ZNF471: variants seen among roughly 807,000 people sequenced by gnomAD.
ZNF471 encodes the protein zinc finger protein 471.
In ZNF471, 7 loss-of-function variants were observed where a neutral mutation model predicts 13.7. The observed-to-expected ratio is 0.51, with a 90% confidence interval of 0.29 to 0.96. The LOEUF (loss-of-function observed/expected upper bound fraction) is 0.96. Among genes scored for constraint, ZNF471 ranks in the 40% least tolerant of loss-of-function variants. The pLI, the probability that ZNF471 is intolerant of heterozygous loss-of-function variation, is 0.08. For missense variants in ZNF471, 663 were observed against 743.3 expected (o/e 0.89, Z 1.26); for synonymous variants, 218 against 235.6 (o/e 0.93, Z 0.68).
rs897258057 is a variant in ZNF471 at position 56,527,681 on chromosome 19, C to T, written c.*1733C>T. 10 of 152,158 alleles carry T rather than the reference C, an allele frequency of 6.6e-5. No individual in the cohort carries two copies. The highest frequency in any genetic ancestry group is 2.9e-5 in the Non-Finnish European group (2 of 68,020). 9.4% of individuals were successfully genotyped at this position (152,158 alleles called of 1,614,324 possible). A position where few individuals can be genotyped will look rare whatever the true frequency, so the allele number is the denominator to read the frequency against. The stretch of plus-strand genomic sequence containing the variant: ...CAGCATGAGAACTTCGTGAAGCATA[C>T]AGAAGAAAAACCTTCAGCCAGATTG... On this transcript the variant is annotated 3_prime_UTR_variant, in exon 5 of 5. Coordinates refer to ENST00000308031, the MANE Select transcript of ZNF471 (RefSeq NM_020813.4).
intron 2 of ZNF471, among the ~76,000 whole-genome samples, chr19:56,512,778 A>AT (rs2043829139): frequency 6.6e-6 from 1 of 152,108 alleles, no homozygotes; most frequent in East Asian, 1.9e-4. Context: ...CCCTCCTCAC[A>AT]TTTTTTCTAA....
chr19:56,524,318 T>C lies in ZNF471; in HGVS notation c.257-6T>C. Reference sequence around the variant, plus strand: ...GGAACATTCACTTTTTTTTAATATCTTTCAGATTGGGAATCTATATATGTG... The same window carrying C: ...GGAACATTCACTTTTTTTTAATATCCTTCAGATTGGGAATCTATATATGTG... On this transcript the variant is annotated splice_region_variant and splice_polypyrimidine_tract_variant and intron_variant, in intron 4 of 4. Coordinates refer to ENST00000308031, the MANE Select transcript of ZNF471 (RefSeq NM_020813.4). The surrounding 1 kb of genome is among the most constrained non-coding windows in gnomAD (Gnocchi z 4.8). 6.6e-7 allele frequency: 1 copy of C among 1,511,210 alleles called. No individual in the cohort carries two copies. Among genetic ancestry groups the C allele is most frequent in the Non-Finnish European group, 8.8e-7 (1 of 1,132,510 alleles). 93.6% of individuals were successfully genotyped at this position (1,511,210 alleles called of 1,614,324 possible). A position where few individuals can be genotyped will look rare whatever the true frequency, so the allele number is the denominator to read the frequency against.
intron 2 of ZNF471, among the ~76,000 whole-genome samples, chr19:56,514,443 AT>A (rs1332555887): frequency 1.3e-5 from 2 of 152,054 alleles, no homozygotes; most frequent in African/African-American, 4.8e-5. Flanking sequence ...ATTACATTAC[AT>A]TTAATAGTCA....
Position 56,525,612 on chromosome 19 carries a change from T to G in ZNF471, c.1545T>G (p.Tyr515Ter). 1 of 1,614,182 alleles carries G rather than the reference T, an allele frequency of 6.2e-7. No individual in the cohort carries two copies. Among genetic ancestry groups the G allele is most frequent in the Non-Finnish European group, 8.5e-7 (1 of 1,180,032 alleles). The change falls in exon 5 of 5, where the codon TAT becomes TAG. Residue 515 changes from tyrosine (Y) to a stop codon, truncating the protein, a stop_gained. Transcript: ENST00000308031. LOFTEE classifies it low-confidence loss of function (END_TRUNC). The part of the protein sequence containing the change: ...HQRIHTGEKP[Y>*]ECIECGNAFK... ...GAATTCATACTGGAGAGAAGCCTTA[T>G]GAATGTATTGAATGTGGAAATGCTT... is the stretch of plus-strand genomic sequence containing the variant.
In ZNF471 at chr19:56,524,409, T is replaced by C. The variant is rs2044015280; in HGVS notation, c.342T>C (p.Tyr114=). The C allele has an allele frequency of 3.7e-6, 6 of 1,613,252 alleles. No individual in the cohort carries two copies. Among genetic ancestry groups the C allele is most frequent in the Non-Finnish European group, 5.1e-6 (6 of 1,179,822 alleles). ...DDACMEGITS[Y]GLECSTFEEN... is the part of the protein sequence containing the mutation. Reference sequence around the variant, plus strand: ...CATGCATGGAGGGAATTACTAGCTATGGACTTGAGTGTTCCACTTTTGAAG... The same window carrying C: ...CATGCATGGAGGGAATTACTAGCTACGGACTTGAGTGTTCCACTTTTGAAG... The change falls in exon 5 of 5, where the codon TAT becomes TAC. Residue 114 remains tyrosine, a synonymous_variant. Transcript: ENST00000308031. This position sits in a 1 kb window ranked among gnomAD's most constrained non-coding sequence, Gnocchi z 4.8.
rs1490438134 is a variant in ZNF471, at chr19:56,524,944, A to G, written c.877A>G (p.Lys293Glu). The G allele has an allele frequency of 6.2e-7, 1 of 1,614,088 alleles. No homozygotes were observed. Among genetic ancestry groups the G allele is most frequent in the Admixed American group, 1.7e-5 (1 of 60,002 alleles). The change falls in exon 5 of 5, where the codon AAG (lysine) becomes GAG (glutamate). Residue 293 changes from lysine to glutamate, a missense_variant. Lys to Glu is a moderately conservative substitution (Grantham distance 56, BLOSUM62 1). Coordinates refer to ENST00000308031, the MANE Select transcript of ZNF471 (RefSeq NM_020813.4). The surrounding 1 kb of genome is among the most constrained non-coding windows in gnomAD (Gnocchi z 4.8). ...IHTGEKPYKCKECRKAFRQPA... is the reference protein window; with the variant it reads ...IHTGEKPYKCEECRKAFRQPA... ...TACTGGAGAAAAACCATATAAATGT[A>G]AGGAATGCAGAAAAGCCTTCAGACA...
chr19:56,518,724 T>G, intron 4 of ZNF471, 147 bp downstream of exon 4: 1 of 576,362 alleles, frequency 1.7e-6, no homozygotes, highest in Non-Finnish European at 3.0e-6. Flanking sequence ...ATGCTTCACA[T>G]GGGCCCCTCA....
Position 56,525,848 on chromosome 19 carries a change from C to T in ZNF471, c.1781C>T (p.Thr594Ile), listed in dbSNP as rs150662418. 6.2e-7 allele frequency: 1 copy of T among 1,613,748 alleles called. No individual in the cohort carries two copies. Among genetic ancestry groups the T allele is most frequent in the East Asian group, 2.2e-5 (1 of 44,870 alleles). ...SSCAQHQRLH[T>I]GQRPYQCFEC... Reference sequence around the variant, plus strand: ...TGTGCTCAGCATCAAAGACTCCACACTGGCCAAAGGCCCTATCAGTGTTTT... The same window carrying T: ...TGTGCTCAGCATCAAAGACTCCACATTGGCCAAAGGCCCTATCAGTGTTTT... Residue 594 changes from threonine (T) to isoleucine (I), a missense_variant, in exon 5 of 5, where the codon ACT becomes ATT. By Grantham distance (89) the Thr-to-Ile change is moderately conservative. Transcript: ENST00000308031.
chr19:56,519,556 C>T (rs1228735594), intron 4 of ZNF471, among the ~76,000 whole-genome samples: 1 of 152,196 alleles, frequency 6.6e-6, no homozygotes, highest in Admixed American at 6.5e-5. Context: ...TGCTTATATT[C>T]TGCCTCTCCC....
chr19:56,527,027 C>T lies in ZNF471; in HGVS notation c.*1079C>T, dbSNP rs185099823. On this transcript the variant is annotated 3_prime_UTR_variant, in exon 5 of 5. Coordinates refer to ENST00000308031, the MANE Select transcript of ZNF471 (RefSeq NM_020813.4). ...TCAAGTGGGTCCCTGACCCCCATGC[C>T]TCCTGACGGGGAGACACCTCCCAGC... The T allele has an allele frequency of 2.7e-3, 419 of 157,084 alleles. No homozygotes were observed. The highest frequency in any genetic ancestry group is 5.0e-3 in the Non-Finnish European group (362 of 72,058). The allele number at this position is 157,084 out of a possible 1,614,324, so 9.7% of individuals were successfully genotyped here.
intron 3 of ZNF471, 101 bp from the exon 4 acceptor site, chr19:56,518,381 A>G (rs1600514545): frequency 1.2e-6 from 1 of 836,048 alleles, no homozygotes; most frequent in East Asian, 2.7e-5. Context: ...TCTCTTATCT[A>G]GTATTCCTAC....
intron 2 of ZNF471, 58 bp downstream of exon 2, chr19:56,511,662 G>A (rs529172582): frequency 1.9e-6 from 2 of 1,060,302 alleles, no homozygotes; most frequent in South Asian, 2.7e-5. Flanking sequence ...AGGACTTTTT[G>A]TAATGCTTCT....
intron 1 of ZNF471, chr19:56,511,085 T>A: frequency 5.3e-6 from 5 of 943,348 alleles, no homozygotes; most frequent in South Asian, 4.9e-5. Context: ...CAGATTTTCC[T>A]TTTTCTTTTG....
chr19:56,524,219 GT>G lies in ZNF471; in HGVS notation c.257-101del. On this transcript the variant is annotated intron_variant, in intron 4 of 4. Transcript: ENST00000308031. This position sits in a 1 kb window ranked among gnomAD's most constrained non-coding sequence, Gnocchi z 4.8. ...CAGTTGACATGCCTGTACATAACAG[GT>G]TTTGTGAGATTTATTAAATATTTTT... 1.2e-6 allele frequency: 1 copy of G among 843,730 alleles called. No homozygotes were observed. Among genetic ancestry groups the G allele is most frequent in the Non-Finnish European group, 1.8e-6 (1 of 566,250 alleles). 52.3% of individuals were successfully genotyped at this position (843,730 alleles called of 1,614,324 possible).
chr19:56,508,098 G>C lies in ZNF471; in HGVS notation c.-56+178G>C, dbSNP rs181099754. 1 of 984,930 alleles carries C rather than the reference G, an allele frequency of 1.0e-6. No homozygotes were observed. Among genetic ancestry groups the C allele is most frequent in the African/African-American group, 1.7e-5 (1 of 57,238 alleles). The allele number at this position is 984,930 out of a possible 1,614,324, so 61.0% of individuals were successfully genotyped here. On this transcript the variant is annotated intron_variant, in intron 1 of 4. Transcript: ENST00000308031. This position sits in a 1 kb window ranked among gnomAD's most constrained non-coding sequence, Gnocchi z 4.7. ...TCGAGTCTGCGGGGCGGAGGCCGCG[G>C]CTCGGGGCTGCTGGGCGTTCGGGGC...
chr19:56,525,705 T>C lies in ZNF471; in HGVS notation c.1638T>C (p.Asn546=), dbSNP rs983134237. The change falls in exon 5 of 5, where the codon AAT becomes AAC. Residue 546 remains asparagine, a synonymous_variant. Transcript: ENST00000308031. The stretch of plus-strand genomic sequence containing the variant: ...CAGGAGAGAAACCTTATGAGTGTAA[T>C]GAATGCGGGAAAGCCTTCAGCCAAA... ...THTGEKPYEC[N]ECGKAFSQTS... The C allele has an allele frequency of 6.2e-7, 1 of 1,613,758 alleles. No individual in the cohort carries two copies. Among genetic ancestry groups the C allele is most frequent in the African/African-American group, 1.3e-5 (1 of 74,898 alleles).
intron 3 of ZNF471, among the ~76,000 whole-genome samples, chr19:56,517,916 A>G (rs867761017): frequency 1.3e-5 from 2 of 152,168 alleles, no homozygotes; most frequent in Non-Finnish European, 2.9e-5. Context: ...CTGTGTGTAC[A>G]TTTATTTCAA....
At position 56,527,978 on chromosome 19, in the gene ZNF471, C is replaced by G. The variant is rs1284367226; in HGVS notation, c.*2030C>G. 1 of 152,342 alleles carries G rather than the reference C, an allele frequency of 6.6e-6. No individual in the cohort carries two copies. Among genetic ancestry groups the G allele is most frequent in the Non-Finnish European group, 1.5e-5 (1 of 68,214 alleles). 9.4% of individuals were successfully genotyped at this position (152,342 alleles called of 1,614,324 possible). On this transcript the variant is annotated 3_prime_UTR_variant, in exon 5 of 5. Transcript: ENST00000308031. ...ACAGGTGTCCAACCTTTTGTCTTCC[C>G]TGGGCCACATTGGAAGAAGAAAAAT...
rs924276043 is a variant in ZNF471 at position 56,510,966 on chromosome 19, G to C, written c.-55-551G>C. 2.1e-5 allele frequency: 21 copies of C among 985,324 alleles called. No homozygotes were observed. The highest frequency in any genetic ancestry group is 2.5e-5 in the Non-Finnish European group (21 of 830,168). The allele number at this position is 985,324 out of a possible 1,614,324, so 61.0% of individuals were successfully genotyped here. On this transcript the variant is annotated intron_variant, in intron 1 of 4. Transcript: ENST00000308031. The surrounding 1 kb of genome is among the most constrained non-coding windows in gnomAD (Gnocchi z 4.3). ...AGAATTGAGTGCTAAAGGTTCCATC[G>C]TTTCAGGGTGAGGAAAGTGAAACAG...
Sources: allele counts gnomAD v4.1 joint callset (sites outside exome capture counted in the v4.1 genomes callset), GRCh38; gene constraint gnomAD v4.1.1; non-coding constraint Gnocchi (gnomAD v3.1); transcripts MANE v1.5; gene names NCBI Gene and HGNC (gene_info 2026-07-23, HGNC 2026-07-21).